The following EPS8L3 variants were observed in gnomAD, a reference collection of about 807,000 sequenced individuals.
EPS8L3 encodes the protein epidermal growth factor receptor kinase substrate 8-like protein 3.
In EPS8L3, 80 loss-of-function variants were observed where a neutral mutation model predicts 88.5. The observed-to-expected ratio is 0.90, with a 90% CI of 0.75 to 1.09. The LOEUF is 1.09. Among genes scored for constraint, EPS8L3 ranks in the 50% least tolerant of loss-of-function variants. EPS8L3 has a pLI of 0.00. For synonymous variants in EPS8L3, 286 were observed against 291.0 expected (o/e 0.98, Z 0.18); for missense variants, 721 against 735.2 (o/e 0.98, Z 0.22).
intron 15 of EPS8L3, 58 bp from the exon 16 acceptor site, chr1:109,751,840 C>T (rs1299932086): frequency 1.2e-6 from 2 of 1,605,806 alleles, no homozygotes; most frequent in Non-Finnish European, 1.7e-6. Flanking sequence ...CTTCCCTCCC[C>T]ACACAAGGCT....
intron 9 of EPS8L3, 28 bp downstream of exon 9, chr1:109,757,916 C>A (rs1557995679): frequency 6.2e-7 from 1 of 1,613,290 alleles, no homozygotes; most frequent in African/African-American, 1.3e-5. Flanking sequence ...GACACCCCTA[C>A]TCCTCTTCCC....
chr1:109,753,276 G>C, intron 12 of EPS8L3, 78 bp from the exon 13 acceptor site: 41 of 1,162,994 alleles, frequency 3.5e-5, no homozygotes, highest in Non-Finnish European at 4.7e-5. Flanking sequence ...GACAGGGAGG[G>C]GACGACAGGG....
chr1:109,750,427 G>T (rs1649671069), intron 18 of EPS8L3, 25 bp from the exon 19 acceptor site: 1 of 1,613,026 alleles, frequency 6.2e-7, no homozygotes. Context: ...AGATTCAGAT[G>T]AGGCTGATGG....
chr1:109,752,537 A>T (rs202157162), intron 14 of EPS8L3, 149 bp downstream of exon 14: 1 of 715,224 alleles, frequency 1.4e-6, no homozygotes, highest in Non-Finnish European at 2.4e-6. Flanking sequence ...TTTTCACCCA[A>T]GGTAGGAGAG....
chr1:109,757,673 G>T lies in EPS8L3; in HGVS notation c.895-118C>A, dbSNP rs147176638. On this transcript the variant is annotated intron_variant, in intron 10 of 18. Coordinates refer to ENST00000361965, the MANE Select transcript of EPS8L3 (RefSeq NM_133181.4). ...GGCACTTCCCAAAAGTCCCAAGAGG[G>T]GAGGGGAGGTTCTAGGGGGAGTAGA... 1.1e-3 allele frequency: 1,549 copies of T among 1,389,104 alleles called. 17 individuals are homozygous for T. In the African/African-American group the frequency reaches 0.02, roughly 18 times the overall value. The allele number at this position is 1,389,104 out of a possible 1,614,324, so 86.0% of individuals were successfully genotyped here. A position where few individuals can be genotyped will look rare whatever the true frequency, so the allele number is the denominator to read the frequency against.
At chr1:109,753,280 G>T in intron 12 of EPS8L3, 82 bp from the exon 13 acceptor site, 2 of 1,134,238 alleles carry the variant, frequency 1.8e-6, no homozygotes, top group Non-Finnish European at 2.5e-6. Flanking sequence ...GGGAGGGGAC[G>T]ACAGGGCCTA....
At chr1:109,750,823 G>A (rs1182847752) in intron 17 of EPS8L3, 31 bp from the exon 18 acceptor site, 3 of 1,613,452 alleles carry the variant, frequency 1.9e-6, no homozygotes, top group East Asian at 2.2e-5. Context: ...GCCATCCGTG[G>A]TGGGCTGGAA....
In EPS8L3 at chr1:109,753,162, T is replaced by TTGG; in HGVS notation, c.1152_1154dup (p.Tyr384_Gln385insHis). ...GTTGCCAGTCATCTGAGAATGTGGG[T>TTGG]TGGTAGGGCAGGGGCTCATCGCCTG... is the stretch of plus-strand genomic sequence containing the variant. On this transcript the variant is annotated inframe_insertion, in exon 13 of 19. Coordinates refer to ENST00000361965, the MANE Select transcript of EPS8L3 (RefSeq NM_133181.4). 4 of 1,612,844 alleles carry TTGG rather than the reference T, an allele frequency of 2.5e-6. No homozygotes were observed. Among genetic ancestry groups the TTGG allele is most frequent in the Non-Finnish European group, 3.4e-6 (4 of 1,179,592 alleles).
chr1:109,758,331 G>A lies in EPS8L3; in HGVS notation c.702C>T (p.Asp234=). The change falls in exon 8 of 19, where the codon GAC becomes GAT. Residue 234 remains aspartate, a synonymous_variant. Transcript: ENST00000361965. ...CCGCAGTTACCTCGTCCCTCTCTGGGTCCTCGGGGGAAGAGGACCGCCTTG... is the reference window on the plus strand; with the variant it reads ...CCGCAGTTACCTCGTCCCTCTCTGGATCCTCGGGGGAAGAGGACCGCCTTG... ...PPPRRSSSPE[D]PERDEEVLNH... 1.2e-6 allele frequency: 2 copies of A among 1,613,622 alleles called. No individual in the cohort carries two copies. Among genetic ancestry groups the A allele is most frequent in the Non-Finnish European group, 1.7e-6 (2 of 1,179,778 alleles).
At position 109,759,494 on chromosome 1, in the gene EPS8L3, T is replaced by C; in HGVS notation, c.256-107A>G. ...CCTTTGGTGGCCTAGGGCTGAGGTGTCATCTACCTGACTCTTGTGCCTCTG... is the reference window on the plus strand; with the variant it reads ...CCTTTGGTGGCCTAGGGCTGAGGTGCCATCTACCTGACTCTTGTGCCTCTG... On this transcript the variant is annotated intron_variant, in intron 4 of 18. Transcript: ENST00000361965. The surrounding 1 kb of genome is among the most constrained non-coding windows in gnomAD (Gnocchi z 4.2). 1 of 1,538,794 alleles carries C rather than the reference T, an allele frequency of 6.5e-7. No individual in the cohort carries two copies. The highest frequency in any genetic ancestry group is 8.8e-7 in the Non-Finnish European group (1 of 1,138,846).
intron 13 of EPS8L3, among the ~76,000 whole-genome samples, 175 bp from the exon 14 acceptor site, chr1:109,752,895 C>A (rs1649941332): frequency 5.9e-5 from 9 of 152,156 alleles, no homozygotes; most frequent in Admixed American, 5.9e-4. Context: ...CCACCCACTA[C>A]TTGGAGATGG....
At position 109,761,559 on chromosome 1, in the gene EPS8L3, A is replaced by G. The variant is rs761644372; in HGVS notation, c.32T>C (p.Leu11Ser). 6.2e-7 allele frequency: 1 copy of G among 1,613,552 alleles called. No individual in the cohort carries two copies. The highest frequency in any genetic ancestry group is 1.3e-5 in the African/African-American group (1 of 74,882). Residue 11 changes from leucine to serine, a missense_variant and splice_region_variant, in exon 3 of 19, where the codon TTG becomes TCG. Coordinates refer to ENST00000361965, the MANE Select transcript of EPS8L3 (RefSeq NM_133181.4). The part of the protein sequence containing the change: MSRPSSRAIY[L>S]HRKEYSQNLT... ...GTTCTGGGAGTACTCCTTCCGGTGC[A>G]CTACAAGGGCACAGAGCAAGGGGCG... is the stretch of plus-strand genomic sequence containing the variant.
chr1:109,757,400 C>G (rs751756883), intron 11 of EPS8L3, 81 bp downstream of exon 11: 58 of 1,403,926 alleles, frequency 4.1e-5, no homozygotes, highest in Non-Finnish European at 5.3e-5. Flanking sequence ...CCCCATCCCC[C>G]TCCACCAGCT....
intron 16 of EPS8L3, 122 bp from the exon 17 acceptor site, chr1:109,751,473 G>A: frequency 7.4e-7 from 1 of 1,351,642 alleles, no homozygotes. Context: ...GTGGCTTTCT[G>A]GTCTGGCAGG....
intron 1 of EPS8L3, 61 bp from the exon 2 acceptor site, chr1:109,761,834 G>T: frequency 6.8e-7 from 1 of 1,477,494 alleles, no homozygotes; most frequent in Non-Finnish European, 9.5e-7. Context: ...ACCAGGCACA[G>T]CAGGGCAGGA....
At position 109,752,188 on chromosome 1, in the gene EPS8L3, C is replaced by T; in HGVS notation, c.1241G>A (p.Gly414Glu). 1.2e-6 allele frequency: 2 copies of T among 1,610,860 alleles called. No individual in the cohort carries two copies. Among genetic ancestry groups the T allele is most frequent in the Non-Finnish European group, 1.7e-6 (2 of 1,177,908 alleles). Residue 414 changes from glycine to glutamate, a missense_variant, in exon 15 of 19, where the codon GGA becomes GAA. By Grantham distance (98) the Gly-to-Glu change is moderately conservative. Coordinates refer to ENST00000361965, the MANE Select transcript of EPS8L3 (RefSeq NM_133181.4). The stretch of plus-strand genomic sequence containing the variant: ...TGAGGTGCTCCCTAACCTATGACTT[C>T]CCCGCCTAAGAAACAGAGTCAGGAT... ...GYQDPVSLRR[G>E]SHRLGSTSHF...
Position 109,759,726 on chromosome 1 carries a change from G to T in EPS8L3, c.207C>A (p.Ile69=). 6.2e-7 allele frequency: 1 copy of T among 1,614,056 alleles called. No homozygotes were observed. The highest frequency in any genetic ancestry group is 1.1e-5 in the South Asian group (1 of 91,076). ...AQGRVWSQDL[I]LQVRDGWLQL... The stretch of plus-strand genomic sequence containing the variant: ...GCAGCCAGCCGTCCCTGACCTGCAG[G>T]ATCAAGTCTTGGCTCCACACCCGGC... The change falls in exon 4 of 19, where the codon ATC becomes ATA. Residue 69 remains isoleucine (I), a synonymous_variant. Transcript: ENST00000361965. The surrounding 1 kb of genome is among the most constrained non-coding windows in gnomAD (Gnocchi z 4.2).
In EPS8L3 at chr1:109,751,705, C is replaced by A; in HGVS notation, c.1512G>T (p.Leu504=). 1 of 1,613,982 alleles carries A rather than the reference C, an allele frequency of 6.2e-7. No homozygotes were observed. The highest frequency in any genetic ancestry group is 1.7e-5 in the Admixed American group (1 of 60,022). The change falls in exon 16 of 19, where the codon CTG becomes CTT. Residue 504 remains leucine, a synonymous_variant. Coordinates refer to ENST00000361965, the MANE Select transcript of EPS8L3 (RefSeq NM_133181.4). ...GRSGYIPSNI[L]EPLQPGTPGT... ...CAGGGGTCCCCGGCTGTAGGGGCTC[C>A]AGGATGTTGCTTGGAATGTAGCCGC...
chr1:109,761,612 C>T, intron 2 of EPS8L3, 53 bp from the exon 3 acceptor site: 1 of 1,608,922 alleles, frequency 6.2e-7, no homozygotes, highest in East Asian at 2.2e-5. Context: ...CGAGGTGAGA[C>T]TCAGGCAACT....
Sources: allele counts gnomAD v4.1 joint callset (sites outside exome capture counted in the v4.1 genomes callset), GRCh38; gene constraint gnomAD v4.1.1; non-coding constraint Gnocchi (gnomAD v3.1); transcripts MANE v1.5; gene names NCBI Gene and HGNC (gene_info 2026-07-23, HGNC 2026-07-21).